The following UNC13C variants were observed in gnomAD, a reference collection of about 807,000 sequenced individuals.
UNC13C encodes protein unc-13 homolog C.
A neutral mutation model predicts 245.4 loss-of-function variants in UNC13C; 174 were observed. The ratio of observed to expected loss-of-function variants is 0.71; its 90% CI spans 0.63 to 0.80. UNC13C has a LOEUF of 0.80. Among genes scored for constraint, UNC13C ranks in the 30% least tolerant of loss-of-function variants. The probability of loss-of-function intolerance (pLI) is 0.00; values close to 1 mark genes in which losing one functional copy is unlikely to be tolerated. For synonymous variants in UNC13C, 992 were observed against 895.1 expected, an observed-to-expected ratio of 1.11 and a Z score of -1.93; for missense variants, 2,829 against 2,602.9, an observed-to-expected ratio of 1.09 and a Z score of -1.89.
intron 26 of UNC13C, among the ~76,000 whole-genome samples, chr15:54,536,459 GTACTACTCCACAAC>G (rs942040359): frequency 1.1e-3 from 171 of 152,010 alleles, no homozygotes; most frequent in African/African-American, 4.0e-3. Flanking sequence ...TGAGGAGGAG[GTACTACTCCACAAC>G]TCATTCAATG....
chr15:54,472,406 T>C (rs1384887203), intron 19 of UNC13C, among the ~76,000 whole-genome samples: 1 of 151,880 alleles, frequency 6.6e-6, no homozygotes, highest in Non-Finnish European at 1.5e-5. Flanking sequence ...GTCAGTTTTA[T>C]AGTGTTTTGG....
intron 2 of UNC13C, among the ~76,000 whole-genome samples, chr15:54,071,880 C>G (rs890031044): frequency 2.6e-4 from 40 of 152,106 alleles, no homozygotes; most frequent in Admixed American, 3.3e-4. Flanking sequence ...ATTCCTGACC[C>G]CTGGCCTGAC....
At chr15:54,057,191 T>G (rs2141066908) in intron 2 of UNC13C, among the ~76,000 whole-genome samples, 1 of 152,106 alleles carries the variant, frequency 6.6e-6, no homozygotes, top group East Asian at 1.9e-4. Flanking sequence ...TCAAGACCCA[T>G]CGATGTGCTG....
At chr15:53,995,273 A>T (rs147577180) in intron 1 of UNC13C, among the ~76,000 whole-genome samples, 2 of 152,118 alleles carry the variant, frequency 1.3e-5, no homozygotes, top group South Asian at 4.1e-4. Flanking sequence ...GGGGCCAGTA[A>T]AGGACTTTGT....
intron 30 of UNC13C, among the ~76,000 whole-genome samples, chr15:54,604,757 C>T (rs1972137): frequency 0.68 from 103,780 of 152,020 alleles, 35,469 homozygotes; most frequent in Middle Eastern, 0.74. Context: ...CTGGAGGACT[C>T]TGAGTTGTTC....
At chr15:54,073,632 G>A (rs562544820) in intron 2 of UNC13C, among the ~76,000 whole-genome samples, 99 of 152,150 alleles carry the variant, frequency 6.5e-4, no homozygotes, top group Middle Eastern at 3.4e-3. Flanking sequence ...CTAATAACCA[G>A]TGATGATGAG....
chr15:54,531,516 C>A (rs1193215533), intron 25 of UNC13C, among the ~76,000 whole-genome samples: 2 of 152,096 alleles, frequency 1.3e-5, no homozygotes, highest in African/African-American at 4.8e-5. Flanking sequence ...AATATGGCAA[C>A]CTTACTCCAA....
At chr15:54,182,417 G>T (rs1170226135) in intron 4 of UNC13C, among the ~76,000 whole-genome samples, 1 of 152,070 alleles carries the variant, frequency 6.6e-6, no homozygotes, top group African/African-American at 2.4e-5. Flanking sequence ...TTTTTGATAT[G>T]CTGTTAAATT....
intron 17 of UNC13C, among the ~76,000 whole-genome samples, chr15:54,377,456 C>A (rs79582012): frequency 6.6e-6 from 1 of 152,194 alleles, no homozygotes; most frequent in Admixed American, 6.5e-5. Flanking sequence ...CAGCCTCTGT[C>A]ATGATTGGAG....
chr15:54,402,289 A>G (rs2040204163), intron 18 of UNC13C, among the ~76,000 whole-genome samples: 1 of 152,286 alleles, frequency 6.6e-6, no homozygotes, highest in Non-Finnish European at 1.5e-5. Context: ...GCCATTTTGA[A>G]TTTTAAAACA....
intron 17 of UNC13C, among the ~76,000 whole-genome samples, chr15:54,359,435 T>G (rs2039177283): frequency 6.6e-6 from 1 of 152,100 alleles, no homozygotes; most frequent in East Asian, 1.9e-4. Context: ...TCAATATTAT[T>G]GGCAAATATT....
chr15:53,904,783 C>T, the UNC13C span, among the ~76,000 whole-genome samples: 8 of 152,148 alleles, frequency 5.3e-5, no homozygotes, highest in African/African-American at 1.7e-4. Flanking sequence ...TGTTTATACC[C>T]TGGCTCTACC....
At chr15:54,283,399 T>C (rs988587765) in intron 10 of UNC13C, among the ~76,000 whole-genome samples, 3 of 152,046 alleles carry the variant, frequency 2.0e-5, no homozygotes, top group Non-Finnish European at 4.4e-5. Context: ...ACATTATAAG[T>C]TTTTTTGTCT....
chr15:54,567,996 A>G (rs1897592697), intron 30 of UNC13C, 49 bp downstream of exon 30: 1 of 1,324,228 alleles, frequency 7.6e-7, no homozygotes, highest in African/African-American at 1.5e-5. Flanking sequence ...ATACTAAAAT[A>G]AAATTTAACA....
At chr15:54,414,260 T>G (rs1437441444) in intron 18 of UNC13C, among the ~76,000 whole-genome samples, 1 of 152,066 alleles carries the variant, frequency 6.6e-6, no homozygotes, top group Non-Finnish European at 1.5e-5. Flanking sequence ...TCAAAGAAAA[T>G]GGCTGAGGGA....
chr15:54,233,780 T>C (rs1466051899), intron 4 of UNC13C, among the ~76,000 whole-genome samples: 1 of 152,180 alleles, frequency 6.6e-6, no homozygotes, highest in Non-Finnish European at 1.5e-5. Flanking sequence ...TAATCTGTCA[T>C]TAGCCTTTGT....
chr15:54,513,583 T>C (rs1894846320), intron 24 of UNC13C, among the ~76,000 whole-genome samples: 2 of 152,208 alleles, frequency 1.3e-5, no homozygotes, highest in Non-Finnish European at 2.9e-5. Context: ...CTATTCATTT[T>C]ATTTCAAATA....
intron 8 of UNC13C, among the ~76,000 whole-genome samples, chr15:54,261,246 C>G (rs937018584): frequency 6.6e-6 from 1 of 152,090 alleles, no homozygotes; most frequent in Admixed American, 6.5e-5. Flanking sequence ...CATGTAAAAG[C>G]AAATTTAAAG....
chr15:54,301,179 A>G (rs1567171411), intron 13 of UNC13C, among the ~76,000 whole-genome samples: 2 of 152,124 alleles, frequency 1.3e-5, no homozygotes. Context: ...ATTAACAACA[A>G]GATCTCATTT....
Sources: allele counts gnomAD v4.1 joint callset (sites outside exome capture counted in the v4.1 genomes callset), GRCh38; gene constraint gnomAD v4.1.1; transcripts MANE v1.5; gene names NCBI Gene and HGNC (gene_info 2026-07-23, HGNC 2026-07-21).